Variants in COQ5 observed in about 807,000 individuals in gnomAD.
COQ5 encodes the protein 2-methoxy-6-polyprenyl-1,4-benzoquinol methylase, mitochondrial.
COQ5 carries 27 observed loss-of-function variants against 40.5 expected under a neutral mutation model. That is an observed-to-expected ratio of 0.67 (90% CI 0.49 to 0.92). The LOEUF (loss-of-function observed/expected upper bound fraction) is 0.92. COQ5 is among the 40% of genes least tolerant of loss of function. The probability of loss-of-function intolerance (pLI) is 0.00; values close to 1 mark genes in which losing one functional copy is unlikely to be tolerated. For missense variants in COQ5, 409 were observed against 406.4 expected, an observed-to-expected ratio of 1.01 and a Z score of -0.06; for synonymous variants, 141 against 150.0, an observed-to-expected ratio of 0.94 and a Z score of 0.44.
chr12:120,512,776 G>C (rs1028955893), intron 3 of COQ5, among the ~76,000 whole-genome samples: 1 of 152,142 alleles, frequency 6.6e-6, no homozygotes, highest in Non-Finnish European at 1.5e-5. Context: ...TACTTTTCCA[G>C]GCCAGGTGCG....
intron 1 of COQ5, chr12:120,522,879 T>C (rs186911081): frequency 7.1e-5 from 51 of 721,684 alleles, no homozygotes; most frequent in East Asian, 4.4e-4. Flanking sequence ...GGGCTTAACC[T>C]CCTTGGGCTT....
At chr12:120,507,398 C>T (rs1208434902) in intron 4 of COQ5, among the ~76,000 whole-genome samples, 1 of 151,100 alleles carries the variant, frequency 6.6e-6, no homozygotes, top group Non-Finnish European at 1.5e-5. Context: ...GATTCTTCTC[C>T]CTCAGCCTCC....
At chr12:120,527,998 A>AAAAAAAAAAAAAAC (rs1870038595) in intron 1 of COQ5, among the ~76,000 whole-genome samples, 1 of 126,038 alleles carries the variant, frequency 7.9e-6, no homozygotes, top group Non-Finnish European at 1.6e-5. Context: ...CAAAAAAAAA[A>AAAAAAAAAAAAAAC]AAAAAAAAAA....
intron 2 of COQ5, among the ~76,000 whole-genome samples, chr12:120,518,370 A>G (rs1036673469): frequency 1.3e-5 from 2 of 148,226 alleles, no homozygotes; most frequent in Non-Finnish European, 3.0e-5. Flanking sequence ...TGGAGGTTGC[A>G]GTAAGCCGAG....
chr12:120,528,744 C>T (rs1870081792), intron 1 of COQ5, among the ~76,000 whole-genome samples, 196 bp downstream of exon 1: 1 of 150,918 alleles, frequency 6.6e-6, no homozygotes, highest in Admixed American at 6.6e-5. Flanking sequence ...GCGGAGGTTG[C>T]AGTGAGCCAA....
At chr12:120,528,016 A>G (rs1176874714) in intron 1 of COQ5, among the ~76,000 whole-genome samples, 1 of 142,784 alleles carries the variant, frequency 7.0e-6, no homozygotes, top group African/African-American at 2.7e-5. Context: ...AAAAAAAAAA[A>G]AAAAAAGAAA....
intron 1 of COQ5, among the ~76,000 whole-genome samples, chr12:120,524,605 A>T (rs1355991530): frequency 1.3e-5 from 2 of 152,086 alleles, no homozygotes; most frequent in East Asian, 3.9e-4. Flanking sequence ...CTCTGCCCGT[A>T]AGACGGCTAT....
intron 2 of COQ5, among the ~76,000 whole-genome samples, chr12:120,520,618 C>A (rs1186098340): frequency 6.6e-6 from 1 of 151,764 alleles, no homozygotes; most frequent in African/African-American, 2.4e-5. Context: ...GCCACCACAC[C>A]CCGCCATCGC....
intron 4 of COQ5, among the ~76,000 whole-genome samples, chr12:120,507,202 T>C (rs895712037): frequency 6.6e-6 from 1 of 152,242 alleles, no homozygotes; most frequent in African/African-American, 2.4e-5. Flanking sequence ...GACAAGTGTT[T>C]GAATAGCACA....
In COQ5 at chr12:120,504,021, G is replaced by T; in HGVS notation, c.831C>A (p.Asp277Glu). 1 of 1,613,850 alleles carries T rather than the reference G, an allele frequency of 6.2e-7. No individual in the cohort carries two copies. The highest frequency in any genetic ancestry group is 8.5e-7 in the Non-Finnish European group (1 of 1,179,716). ...IPVLGEVIAG[D>E]WKSYQYLVES... ...CTACAAGGTACTGATAGGACTTCCAGTCTCCAGCGATGACCTCTCCCAGGA... is the reference window on the plus strand; with the variant it reads ...CTACAAGGTACTGATAGGACTTCCATTCTCCAGCGATGACCTCTCCCAGGA... The change falls in exon 6 of 7, where the codon GAC becomes GAA. Residue 277 changes from aspartate to glutamate, a missense_variant. By Grantham distance (45) the Asp-to-Glu change is conservative (BLOSUM62 2). Coordinates refer to ENST00000288532, the MANE Select transcript of COQ5 (RefSeq NM_032314.4).
At chr12:120,518,852 G>A (rs1011350748) in intron 2 of COQ5, among the ~76,000 whole-genome samples, 1 of 152,132 alleles carries the variant, frequency 6.6e-6, no homozygotes, top group African/African-American at 2.4e-5. Context: ...GTGAGCCAAC[G>A]TGCTCGGCCA....
At chr12:120,516,192 C>T (rs567985148) in intron 3 of COQ5, among the ~76,000 whole-genome samples, 5 of 152,254 alleles carry the variant, frequency 3.3e-5, no homozygotes, top group South Asian at 4.1e-4. Context: ...AATGATACAC[C>T]GAAGTCACCC....
chr12:120,514,342 G>T (rs1247820007), intron 3 of COQ5, among the ~76,000 whole-genome samples: 1 of 152,002 alleles, frequency 6.6e-6, no homozygotes, highest in African/African-American at 2.4e-5. Context: ...GAGAAGGAGA[G>T]AAATGCTGAT....
In COQ5 at chr12:120,512,554, C is replaced by T. The variant is rs562387933; in HGVS notation, c.575-2431G>A. ...GGCGGAGGTTGCAGTGAGCTGAGAT[C>T]GTACCACTGCACTCCAGCCTGGGTG... is the stretch of plus-strand genomic sequence containing the variant. On this transcript the variant is annotated intron_variant, in intron 3 of 6. Transcript: ENST00000288532. Among the ~76,000 whole-genome samples the T allele has an allele frequency of 1.8e-4, 27 of 152,050 alleles. No homozygotes were observed. In the Middle Eastern group the frequency reaches 0.01, roughly 57 times the overall value.
At chr12:120,518,684 C>A (rs1372333115) in intron 2 of COQ5, among the ~76,000 whole-genome samples, 1 of 152,072 alleles carries the variant, frequency 6.6e-6, no homozygotes, top group Non-Finnish European at 1.5e-5. Context: ...CCTGCCTCAG[C>A]CTCCTGAGTA....
At chr12:120,527,469 G>C (rs1367273927) in intron 1 of COQ5, 1 of 152,014 alleles carries the variant, frequency 6.6e-6, no homozygotes, top group Non-Finnish European at 1.5e-5. Context: ...AATTTTTAAA[G>C]GTCATAAAAC....
intron 2 of COQ5, among the ~76,000 whole-genome samples, chr12:120,520,702 C>T (rs1161840873): frequency 1.3e-5 from 2 of 151,954 alleles, no homozygotes; most frequent in Admixed American, 1.3e-4. Context: ...AACTCCTAAC[C>T]TCAGGTGATC....
chr12:120,524,434 G>A (rs1352183150), intron 1 of COQ5, among the ~76,000 whole-genome samples: 1 of 151,454 alleles, frequency 6.6e-6, no homozygotes, highest in Non-Finnish European at 1.5e-5. Flanking sequence ...CTAATTTTTT[G>A]TATTTTTAGT....
chr12:120,523,030 C>A (rs774694835), intron 1 of COQ5: 4 of 488,480 alleles, frequency 8.2e-6, no homozygotes, highest in South Asian at 4.8e-5. Context: ...TTAAGAGATT[C>A]TTATAAAAAA....
Sources: allele counts gnomAD v4.1 joint callset (sites outside exome capture counted in the v4.1 genomes callset), GRCh38; gene constraint gnomAD v4.1.1; transcripts MANE v1.5; gene names NCBI Gene and HGNC (gene_info 2026-07-23, HGNC 2026-07-21).